The following DNAH11 variants were observed in gnomAD, a reference collection of about 807,000 sequenced individuals.
DNAH11 encodes the protein axonemal beta dynein heavy chain 11.
Under a neutral mutation model 526.0 loss-of-function variants are expected in DNAH11, and 442 were observed. The ratio of observed to expected loss-of-function variants is 0.84; its 90% CI spans 0.78 to 0.91. The LOEUF (loss-of-function observed/expected upper bound fraction) is 0.91. Among genes scored for constraint, DNAH11 ranks in the 40% least tolerant of loss-of-function variants. The pLI, the probability that DNAH11 is intolerant of heterozygous loss-of-function variation, is 0.00. For synonymous variants in DNAH11, 2,461 were observed against 1,935.9 expected, an observed-to-expected ratio of 1.27 and a Z score of -7.12; for missense variants, 6,989 against 5,448.7, an observed-to-expected ratio of 1.28 and a Z score of -8.90.
At chr7:21,811,589 G>A (rs1318172382) in intron 63 of DNAH11, among the ~76,000 whole-genome samples, 1 of 152,146 alleles carries the variant, frequency 6.6e-6, no homozygotes, top group African/African-American at 2.4e-5. Flanking sequence ...GGGAGTTATT[G>A]TTTAATAGGT....
intron 68 of DNAH11, among the ~76,000 whole-genome samples, chr7:21,858,129 T>C (rs1476329026): frequency 6.6e-6 from 1 of 152,122 alleles, no homozygotes; most frequent in African/African-American, 2.4e-5. Context: ...ACAAGCACAT[T>C]AAAAATGCTC....
At chr7:21,862,122 CTTTT>C in intron 69 of DNAH11, 99 bp downstream of exon 69, 3 of 896,586 alleles carry the variant, frequency 3.3e-6, no homozygotes, top group Non-Finnish European at 4.6e-6. Context: ...ATATAATAGA[CTTTT>C]TTTTTTTTTT....
At chr7:21,886,824 T>C (rs1339384430) in intron 76 of DNAH11, among the ~76,000 whole-genome samples, 1 of 152,166 alleles carries the variant, frequency 6.6e-6, no homozygotes, top group Non-Finnish European at 1.5e-5. Context: ...CCTTTAGAAA[T>C]TTAGGTACCT....
At chr7:21,830,264 T>G (rs1790491400) in intron 65 of DNAH11, among the ~76,000 whole-genome samples, 1 of 138,156 alleles carries the variant, frequency 7.2e-6, no homozygotes, top group Admixed American at 6.8e-5. Context: ...GTTGAATGAT[T>G]TATTGTAAAA....
At chr7:21,798,315 T>G (rs997580860) in intron 61 of DNAH11, among the ~76,000 whole-genome samples, 2 of 152,152 alleles carry the variant, frequency 1.3e-5, no homozygotes, top group African/African-American at 4.8e-5. Context: ...AAGCCGATCT[T>G]GAAGTCCTGA....
intron 62 of DNAH11, among the ~76,000 whole-genome samples, chr7:21,807,541 C>G (rs573251938): frequency 6.6e-6 from 1 of 152,158 alleles, no homozygotes; most frequent in African/African-American, 2.4e-5. Flanking sequence ...GGCCACAGCT[C>G]TTGGTCATCT....
chr7:21,884,226 C>G (rs1784038291), intron 75 of DNAH11, 65 bp from the exon 76 acceptor site: 8 of 1,462,176 alleles, frequency 5.5e-6, no homozygotes, highest in Non-Finnish European at 7.3e-6. Flanking sequence ...GCACGTGCTA[C>G]TGGTTGGCTA....
chr7:21,783,249 T>C (rs868560936), intron 57 of DNAH11, among the ~76,000 whole-genome samples: 4 of 152,168 alleles, frequency 2.6e-5, no homozygotes, highest in African/African-American at 9.7e-5. Flanking sequence ...ACATTAACAA[T>C]AGCTGTGTGT....
At chr7:21,692,806 A>G (rs1450731045) in intron 35 of DNAH11, among the ~76,000 whole-genome samples, 1 of 152,204 alleles carries the variant, frequency 6.6e-6, no homozygotes, top group Non-Finnish European at 1.5e-5. Flanking sequence ...TGAGAATTCT[A>G]GTTGCTCACA....
At chr7:21,882,047 A>G (rs933425763) in intron 75 of DNAH11, among the ~76,000 whole-genome samples, 1 of 152,214 alleles carries the variant, frequency 6.6e-6, no homozygotes, top group South Asian at 2.1e-4. Context: ...ACATAAAATT[A>G]TAACAGTTCT....
chr7:21,835,232 AAAAAAAAAAC>A (rs1781947067), intron 65 of DNAH11, among the ~76,000 whole-genome samples: 1 of 146,130 alleles, frequency 6.8e-6, no homozygotes, highest in East Asian at 2.1e-4. Flanking sequence ...CCAAAAAAAA[AAAAAAAAAAC>A]AGAGGGAGTT....
At chr7:21,884,187 G>A (rs755115813) in intron 75 of DNAH11, 104 bp from the exon 76 acceptor site, 41 of 983,766 alleles carry the variant, frequency 4.2e-5, no homozygotes, top group East Asian at 5.8e-5. Flanking sequence ...TCCTATTGAC[G>A]GAGGCTTGGA....
chr7:21,667,151 A>G (rs1358754886), intron 30 of DNAH11, among the ~76,000 whole-genome samples: 2 of 152,120 alleles, frequency 1.3e-5, no homozygotes, highest in East Asian at 1.9e-4. Flanking sequence ...TCTAGAAGAA[A>G]TGGATAACTG....
chr7:21,561,274 G>A (rs1056267252), intron 5 of DNAH11, 104 bp downstream of exon 5: 11 of 801,232 alleles, frequency 1.4e-5, no homozygotes, highest in Non-Finnish European at 2.1e-5. Flanking sequence ...TGTTTGTGGA[G>A]TGATTGCTCA....
At chr7:21,561,259 C>A in intron 5 of DNAH11, 89 bp downstream of exon 5, 2 of 950,234 alleles carry the variant, frequency 2.1e-6, no homozygotes, top group Non-Finnish European at 3.3e-6. Context: ...TTTACCCTTC[C>A]GCCATGTTTG....
At position 21,695,095 on chromosome 7, in the gene DNAH11, G is replaced by A. The variant is rs76406001; in HGVS notation, c.6042-2980G>A. Among the ~76,000 whole-genome samples the A allele has an allele frequency of 8.4e-3, 1,286 of 152,232 alleles. 110 individuals are homozygous for A. In the East Asian group the frequency reaches 0.2, roughly 24 times the overall value. On this transcript the variant is annotated intron_variant, in intron 35 of 81. Transcript: ENST00000409508. Reference sequence around the variant, plus strand: ...ACCACTGCTCAAGGAAATAAGAGAGGACACAAACAAATAGAAAAGCATTCC... The same window carrying A: ...ACCACTGCTCAAGGAAATAAGAGAGAACACAAACAAATAGAAAAGCATTCC...
intron 30 of DNAH11, among the ~76,000 whole-genome samples, chr7:21,679,277 C>G (rs531009624): frequency 6.6e-6 from 1 of 152,144 alleles, no homozygotes; most frequent in South Asian, 2.1e-4. Flanking sequence ...AGGGTACAAA[C>G]TTTCAGTTAT....
chr7:21,849,048 G>A (rs750084165), intron 66 of DNAH11, among the ~76,000 whole-genome samples: 7 of 152,110 alleles, frequency 4.6e-5, no homozygotes, highest in Non-Finnish European at 7.4e-5. Flanking sequence ...GCCATGCCCA[G>A]CTAATTTTGT....
chr7:21,848,181 AAAG>A (rs1419353807), intron 66 of DNAH11, among the ~76,000 whole-genome samples: 1 of 151,774 alleles, frequency 6.6e-6, no homozygotes, highest in Non-Finnish European at 1.5e-5. Flanking sequence ...AAAAAAAAAA[AAAG>A]ATTATTATGC....
Sources: allele counts gnomAD v4.1 joint callset (sites outside exome capture counted in the v4.1 genomes callset), GRCh38; gene constraint gnomAD v4.1.1; transcripts MANE v1.5; gene names NCBI Gene and HGNC (gene_info 2026-07-23, HGNC 2026-07-21).